The following AGAP1 variants were observed in gnomAD, a reference collection of about 807,000 sequenced individuals.
The protein encoded by AGAP1 is ArfGAP with GTPase domain, ankyrin repeat and PH domain 1, also known as arf-GAP with GTPase, ANK repeat and PH domain-containing protein 1.
AGAP1 carries 29 observed loss-of-function variants against 105.3 expected under a neutral mutation model. The ratio of observed to expected loss-of-function variants is 0.28; its 90% CI spans 0.21 to 0.38. The LOEUF (loss-of-function observed/expected upper bound fraction) is 0.38. Ranked by LOEUF, AGAP1 falls within the 10% of genes least tolerant of loss-of-function variation. The pLI, the probability that AGAP1 is intolerant of heterozygous loss-of-function variation, is 1.00. For missense variants in AGAP1, 998 were observed against 1,165.1 expected (o/e 0.86, Z 2.09); for synonymous variants, 509 against 485.9 (o/e 1.05, Z -0.63).
chr2:235,858,048 C>G (rs572309566), intron 9 of AGAP1, among the ~76,000 whole-genome samples: 2 of 152,092 alleles, frequency 1.3e-5, no homozygotes, highest in Non-Finnish European at 2.9e-5. Flanking sequence ...ATCACCACTT[C>G]GGGAGAATGT....
rs531721653 is a variant in AGAP1, at chr2:235,771,057, C to T, written c.673+20569C>T. The stretch of plus-strand genomic sequence containing the variant: ...CCTGGATGTTGGGACTAACATGGCC[C>T]AGGAGTGCGGCCGCCGCAGGTGCTG... On this transcript the variant is annotated intron_variant, in intron 6 of 17. Coordinates refer to ENST00000304032, the MANE Select transcript of AGAP1 (RefSeq NM_001037131.3). Among the ~76,000 whole-genome samples the T allele has an allele frequency of 2.6e-5, 4 of 152,252 alleles. No individual in the cohort carries two copies. In the South Asian group the frequency reaches 8.3e-4, roughly 32 times the overall value.
At position 235,867,425 on chromosome 2, in the gene AGAP1, C is replaced by T. The variant is rs1207744039; in HGVS notation, c.1051-15920C>T. ...TGTGGGAGCTTGCCGGCCCCAGTCC[C>T]GTAGGATCCCCAACGCTAATAGTCT... On this transcript the variant is annotated intron_variant, in intron 9 of 17. Coordinates refer to ENST00000304032, the MANE Select transcript of AGAP1 (RefSeq NM_001037131.3). This position sits in a 1 kb window ranked among gnomAD's most constrained non-coding sequence, Gnocchi z 5.4. 3.3e-5 allele frequency among the ~76,000 whole-genome samples: 5 copies of T among 152,156 alleles called. No individual in the cohort carries two copies. The highest frequency in any genetic ancestry group is 7.2e-5 in the African/African-American group (3 of 41,430).
chr2:235,634,366 A>C (rs112543996), intron 1 of AGAP1, among the ~76,000 whole-genome samples: 2 of 152,210 alleles, frequency 1.3e-5, no homozygotes, highest in Non-Finnish European at 2.9e-5. Flanking sequence ...CGCACCCTGC[A>C]TATGGTACTG....
In AGAP1 at chr2:236,049,436, A is replaced by G. The variant is rs1334178071; in HGVS notation, c.2114+155A>G. The G allele has an allele frequency of 1.7e-5, 12 of 695,978 alleles. No homozygotes were observed. The East Asian group carries it at 3.0e-4, about 18-fold the overall frequency. 43.1% of individuals were successfully genotyped at this position (695,978 alleles called of 1,614,324 possible). Reference sequence around the variant, plus strand: ...CCGGCATAGGAATGTCTGTGTTTAAAGTTGGTCTTGAGCAGACGTGGATAA... The same window carrying G: ...CCGGCATAGGAATGTCTGTGTTTAAGGTTGGTCTTGAGCAGACGTGGATAA... On this transcript the variant is annotated intron_variant, in intron 16 of 17. Coordinates refer to ENST00000304032, the MANE Select transcript of AGAP1 (RefSeq NM_001037131.3).
At chr2:235,839,487 C>T (rs1306049326) in intron 9 of AGAP1, among the ~76,000 whole-genome samples, 1 of 149,948 alleles carries the variant, frequency 6.7e-6, no homozygotes, top group African/African-American at 2.5e-5. Flanking sequence ...TAGCTCATGC[C>T]TCTAATCTCA....
At chr2:235,890,585 G>T (rs1425809313) in intron 10 of AGAP1, among the ~76,000 whole-genome samples, 1 of 152,184 alleles carries the variant, frequency 6.6e-6, no homozygotes, top group Non-Finnish European at 1.5e-5. Context: ...TTGACAGTGG[G>T]CGGGGGCTGC....
At chr2:235,678,745 C>T (rs1189444526) in intron 1 of AGAP1, among the ~76,000 whole-genome samples, 1 of 152,022 alleles carries the variant, frequency 6.6e-6, no homozygotes, top group Non-Finnish European at 1.5e-5. Context: ...CCTCCCGCCC[C>T]CACCTTGGGA....
At position 235,753,769 on chromosome 2, in the gene AGAP1, C is replaced by G. The variant is rs768927139; in HGVS notation, c.673+3281C>G. 1.3e-5 allele frequency among the ~76,000 whole-genome samples: 2 copies of G among 151,780 alleles called. No individual in the cohort carries two copies. The highest frequency in any genetic ancestry group is 2.1e-4 in the South Asian group (1 of 4,820). ...GCAAATACCTGTGAAGCTACAACTT[C>G]CGTGACTATTGCGATTTTTTTGTCC... On this transcript the variant is annotated intron_variant, in intron 6 of 17. Coordinates refer to ENST00000304032, the MANE Select transcript of AGAP1 (RefSeq NM_001037131.3). The surrounding 1 kb of genome is among the most constrained non-coding windows in gnomAD (Gnocchi z 4.5).
chr2:235,881,690 G>A (rs779024073), intron 9 of AGAP1, among the ~76,000 whole-genome samples: 1 of 152,310 alleles, frequency 6.6e-6, no homozygotes, highest in Middle Eastern at 3.4e-3. Context: ...AGTGTTGGCC[G>A]TCAGCTTCCT....
chr2:235,766,609 C>G (rs1954975941), intron 6 of AGAP1, among the ~76,000 whole-genome samples: 1 of 152,142 alleles, frequency 6.6e-6, no homozygotes, highest in African/African-American at 2.4e-5. Flanking sequence ...AGGAGGAGAA[C>G]ACAATTAAAA....
intron 1 of AGAP1, among the ~76,000 whole-genome samples, chr2:235,500,342 C>T (rs1182266665): frequency 1.3e-5 from 2 of 151,938 alleles, no homozygotes; most frequent in African/African-American, 2.4e-5. Flanking sequence ...ATTGCCGGCC[C>T]CTCCCATACC....
chr2:235,671,111 C>G (rs1454119914), intron 1 of AGAP1: 78 of 1,243,922 alleles, frequency 6.3e-5, no homozygotes, highest in Non-Finnish European at 7.4e-5. Context: ...TGGGGACTTG[C>G]CGGTTCCGCA....
intron 12 of AGAP1, among the ~76,000 whole-genome samples, chr2:235,933,972 G>A (rs1018694951): frequency 6.6e-6 from 1 of 152,194 alleles, no homozygotes; most frequent in African/African-American, 2.4e-5. Context: ...GTTGTTACCT[G>A]CCTTCTACAG....
chr2:236,034,748 G>A (rs116836693), intron 13 of AGAP1, among the ~76,000 whole-genome samples: 1 of 152,160 alleles, frequency 6.6e-6, no homozygotes, highest in African/African-American at 2.4e-5. Context: ...CCTCAGGCCC[G>A]ACCTCCACTC....
chr2:235,806,705 A>T (rs58223052), intron 8 of AGAP1, among the ~76,000 whole-genome samples: 1 of 152,072 alleles, frequency 6.6e-6, no homozygotes, highest in Non-Finnish European at 1.5e-5. Flanking sequence ...TTAACTTCGA[A>T]TTTGCCATTT....
intron 1 of AGAP1, among the ~76,000 whole-genome samples, chr2:235,657,069 C>T (rs549098410): frequency 2.2e-3 from 328 of 152,324 alleles, no homozygotes; most frequent in Non-Finnish European, 3.7e-3. Context: ...TGTTAACTTT[C>T]CTACTTTCCC....
chr2:235,901,573 AC>A lies in AGAP1; in HGVS notation c.1156-7161del, dbSNP rs2051067643. On this transcript the variant is annotated intron_variant, in intron 10 of 17. Transcript: ENST00000304032. This position sits in a 1 kb window ranked among gnomAD's most constrained non-coding sequence, Gnocchi z 4.3. ...TGGTTCTCAAGACTTTGGGCTCAGG[AC>A]CCCTTTATCTTTTTAAAAATTATGG... Among the ~76,000 whole-genome samples the A allele has an allele frequency of 1.3e-5, 2 of 152,014 alleles. No individual in the cohort carries two copies. The highest frequency in any genetic ancestry group is 2.4e-5 in the African/African-American group (1 of 41,410).
At chr2:236,097,324 T>A (rs1054342049) in intron 16 of AGAP1, among the ~76,000 whole-genome samples, 1 of 151,454 alleles carries the variant, frequency 6.6e-6, no homozygotes, top group Non-Finnish European at 1.5e-5. Context: ...GAGCACCAGA[T>A]TCTGGATTTT....
rs2125699530 is a variant in AGAP1, at chr2:236,046,129, G to A, written c.1892-2930G>A. On this transcript the variant is annotated intron_variant, in intron 15 of 17. Coordinates refer to ENST00000304032, the MANE Select transcript of AGAP1 (RefSeq NM_001037131.3). The surrounding 1 kb of genome is among the most constrained non-coding windows in gnomAD (Gnocchi z 5.2). ...CATGGAGGGCGGTGGGGTGGGCATA[G>A]GAACCAAATCGGAGGTTCTGGTAAG... 2.3e-6 allele frequency: 1 copy of A among 429,326 alleles called. No homozygotes were observed. The highest frequency in any genetic ancestry group is 4.9e-6 in the Non-Finnish European group (1 of 202,862). 26.6% of individuals were successfully genotyped at this position (429,326 alleles called of 1,614,324 possible). A position where few individuals can be genotyped will look rare whatever the true frequency, so the allele number is the denominator to read the frequency against.
Sources: gnomAD v4.1 joint callset for allele counts (sites outside exome capture counted in the v4.1 genomes callset) on GRCh38, gnomAD v4.1.1 for gene constraint, Gnocchi (gnomAD v3.1) non-coding constraint, MANE v1.5 for transcripts, NCBI Gene and HGNC (gene_info 2026-07-23, HGNC 2026-07-21) for gene names.